The following ARHGAP12 variants were observed in gnomAD, a reference collection of about 807,000 sequenced individuals.
The protein encoded by ARHGAP12 is Rho GTPase activating protein 12, also known as rho GTPase-activating protein 12.
In ARHGAP12, 64 loss-of-function variants were observed where a neutral mutation model predicts 108.6. The observed-to-expected ratio is 0.59, with a 90% confidence interval of 0.48 to 0.73. The LOEUF is 0.73. Ranked by LOEUF, ARHGAP12 falls within the 30% of genes least tolerant of loss-of-function variation. ARHGAP12 has a pLI of 0.00. For missense variants in ARHGAP12, 940 were observed against 1,005.9 expected, an observed-to-expected ratio of 0.93 and a Z score of 0.89; for synonymous variants, 312 against 337.2, an observed-to-expected ratio of 0.93 and a Z score of 0.82.
At chr10:31,922,442 G>A (rs60566184) in intron 1 of ARHGAP12, among the ~76,000 whole-genome samples, 1 of 147,734 alleles carries the variant, frequency 6.8e-6, no homozygotes, top group African/African-American at 2.5e-5. Context: ...TTGCTCTGTT[G>A]CCCAGGCTGG....
At chr10:31,832,431 G>C (rs890169424) in intron 9 of ARHGAP12, among the ~76,000 whole-genome samples, 2 of 152,182 alleles carry the variant, frequency 1.3e-5, no homozygotes, top group Non-Finnish European at 2.9e-5. Context: ...AGTGACACAA[G>C]CTTTATCATC....
At chr10:31,919,797 A>C (rs1253894830) in intron 1 of ARHGAP12, among the ~76,000 whole-genome samples, 1 of 149,374 alleles carries the variant, frequency 6.7e-6, no homozygotes, top group Non-Finnish European at 1.5e-5. Flanking sequence ...ATTTCAAAAA[A>C]AAAAACAAAA....
intron 3 of ARHGAP12, among the ~76,000 whole-genome samples, chr10:31,874,866 C>G (rs532162896): frequency 6.8e-6 from 1 of 146,910 alleles, no homozygotes; most frequent in East Asian, 2.1e-4. Flanking sequence ...CTCAGCTACT[C>G]GGGAGGCTGA....
At chr10:31,856,336 G>C (rs115747397) in intron 4 of ARHGAP12, among the ~76,000 whole-genome samples, 98 of 152,146 alleles carry the variant, frequency 6.4e-4, no homozygotes, top group African/African-American at 2.3e-3. Flanking sequence ...TAGTTTTCAA[G>C]ACCACGCAGG....
intron 3 of ARHGAP12, among the ~76,000 whole-genome samples, chr10:31,899,223 T>A (rs757561837): frequency 2.6e-5 from 4 of 152,204 alleles, no homozygotes. Flanking sequence ...AAAACTCTAA[T>A]GAACGTTATC....
rs1838282068 is a variant in ARHGAP12, at chr10:31,888,756, T to C, written c.684+19416A>G. ...AAAAGAGTAAATATAAAACATAAGA[T>C]AAACTGCATCTAGGAATCATGAGGT... On this transcript the variant is annotated intron_variant, in intron 3 of 19. Transcript: ENST00000344936. Among the ~76,000 whole-genome samples the C allele has an allele frequency of 2.0e-5, 3 of 151,964 alleles. No individual in the cohort carries two copies. The South Asian group carries it at 6.2e-4, about 32-fold the overall frequency.
At chr10:31,856,468 T>A (rs1836890151) in intron 4 of ARHGAP12, among the ~76,000 whole-genome samples, 1 of 152,028 alleles carries the variant, frequency 6.6e-6, no homozygotes. Flanking sequence ...ATTAACAAAT[T>A]TTGCTCCTTT....
intron 3 of ARHGAP12, among the ~76,000 whole-genome samples, chr10:31,888,851 G>C (rs1428571680): frequency 6.6e-6 from 1 of 152,070 alleles, no homozygotes; most frequent in Admixed American, 6.5e-5. Context: ...AAAAGAAAAG[G>C]GTCAAAACAG....
rs753788218 is a variant in ARHGAP12 at position 31,843,603 on chromosome 10, C to G, written c.1171-17G>C. The stretch of plus-strand genomic sequence containing the variant: ...AGCATTATACTAAAACAAAACAAAG[C>G]AAAAAACACAAAAAACAGTTCATAA... On this transcript the variant is annotated splice_polypyrimidine_tract_variant and intron_variant, in intron 6 of 19. Transcript: ENST00000344936. 6.4e-7 allele frequency: 1 copy of G among 1,562,298 alleles called. No homozygotes were observed. The highest frequency in any genetic ancestry group is 8.6e-7 in the Non-Finnish European group (1 of 1,162,144).
chr10:31,869,443 A>G (rs1370637856), intron 3 of ARHGAP12, among the ~76,000 whole-genome samples: 1 of 152,106 alleles, frequency 6.6e-6, no homozygotes, highest in African/African-American at 2.4e-5. Context: ...AGGCTGAGGC[A>G]GGAGAATTGC....
intron 4 of ARHGAP12, among the ~76,000 whole-genome samples, chr10:31,858,924 G>A (rs191609073): frequency 3.3e-5 from 5 of 152,232 alleles, no homozygotes; most frequent in East Asian, 1.9e-4. Flanking sequence ...AAATAAACCC[G>A]ACAAGCTTAC....
At chr10:31,926,604 A>T (rs1476859269) in intron 1 of ARHGAP12, among the ~76,000 whole-genome samples, 2 of 152,232 alleles carry the variant, frequency 1.3e-5, no homozygotes, top group East Asian at 3.8e-4. Context: ...ACTACTGTTT[A>T]ATGGTTAAAC....
intron 1 of ARHGAP12, among the ~76,000 whole-genome samples, chr10:31,917,245 T>A (rs2132482481): frequency 6.6e-6 from 1 of 151,896 alleles, no homozygotes; most frequent in African/African-American, 2.4e-5. Flanking sequence ...TCGTCTCTAC[T>A]AAAAATATAA....
intron 3 of ARHGAP12, among the ~76,000 whole-genome samples, chr10:31,887,661 G>GTTTTTTTTTTGT: frequency 7.7e-6 from 1 of 130,404 alleles, no homozygotes; most frequent in East Asian, 2.2e-4. Flanking sequence ...TTTTTTTTTT[G>GTTTTTTTTTTGT]TTTTTTTTTT....
At chr10:31,842,203 G>A (rs1050065661) in intron 7 of ARHGAP12, among the ~76,000 whole-genome samples, 1 of 152,084 alleles carries the variant, frequency 6.6e-6, no homozygotes, top group African/African-American at 2.4e-5. Flanking sequence ...GGTATGAAGA[G>A]GCGGTAGAGT....
At chr10:31,910,892 G>A (rs1396392338) in intron 1 of ARHGAP12, among the ~76,000 whole-genome samples, 2 of 152,304 alleles carry the variant, frequency 1.3e-5, no homozygotes, top group South Asian at 4.1e-4. Context: ...TTATAAAACT[G>A]TGAGGATGAA....
intron 19 of ARHGAP12, among the ~76,000 whole-genome samples, chr10:31,808,231 ACT>A (rs936462487): frequency 1.6e-4 from 24 of 151,350 alleles, no homozygotes; most frequent in African/African-American, 5.4e-4. Context: ...AAAAAAAAAA[ACT>A]CTCTCTAGCT....
chr10:31,909,877 C>T (rs1839277008), intron 2 of ARHGAP12, among the ~76,000 whole-genome samples: 1 of 152,084 alleles, frequency 6.6e-6, no homozygotes, highest in Non-Finnish European at 1.5e-5. Flanking sequence ...ACCTGGGTGA[C>T]AGAGTGAGAC....
rs546162007 is a variant in ARHGAP12 at position 31,876,983 on chromosome 10, C to A, written c.685-15325G>T. Among the ~76,000 whole-genome samples, 5 of 152,322 alleles carry A rather than the reference C, an allele frequency of 3.3e-5. No homozygotes were observed. In the East Asian group the frequency reaches 9.7e-4, roughly 29 times the overall value. On this transcript the variant is annotated intron_variant, in intron 3 of 19. Coordinates refer to ENST00000344936, the MANE Select transcript of ARHGAP12 (RefSeq NM_018287.7). ...AACTCCTAATCCTCATCTGAAGACT[C>A]AATATCCTGTTCCAAGATCACTTGA...
Sources: gnomAD v4.1 joint callset for allele counts (sites outside exome capture counted in the v4.1 genomes callset) on GRCh38, gnomAD v4.1.1 for gene constraint, MANE v1.5 for transcripts, NCBI Gene and HGNC (gene_info 2026-07-23, HGNC 2026-07-21) for gene names.